The following PPEF2 variants were observed in gnomAD, a reference collection of about 807,000 sequenced individuals.
PPEF2 encodes the protein serine/threonine-protein phosphatase with EF-hands 2.
Under a neutral mutation model 84.7 loss-of-function variants are expected in PPEF2, and 84 were observed. That is an observed-to-expected ratio of 0.99 (90% CI 0.83 to 1.19). The LOEUF (loss-of-function observed/expected upper bound fraction) is 1.19. PPEF2 is among the 50% of genes most tolerant of loss of function. The pLI is 0.00. For synonymous variants in PPEF2, 346 were observed against 345.2 expected (o/e 1.00, Z -0.03); for missense variants, 924 against 937.5 (o/e 0.99, Z 0.19).
intron 10 of PPEF2, among the ~76,000 whole-genome samples, chr4:75,877,930 G>T (rs1236694897): frequency 6.6e-6 from 1 of 152,118 alleles, no homozygotes; most frequent in African/African-American, 2.4e-5. Flanking sequence ...TTTAGACAAG[G>T]ATAGGAAAGG....
intron 13 of PPEF2, among the ~76,000 whole-genome samples, 177 bp downstream of exon 13, chr4:75,871,848 G>A (rs1043569812): frequency 2.6e-5 from 4 of 152,118 alleles, no homozygotes; most frequent in African/African-American, 9.7e-5. Flanking sequence ...GTGTGTGGAG[G>A]AGAAGGAAGA....
chr4:75,866,239 C>T lies in PPEF2; in HGVS notation c.1870G>A (p.Glu624Lys), dbSNP rs1443893313. ...LVNSSADNML[E>K]YKSWLKNLAK... Reference sequence around the variant, plus strand: ...AAGTTCTTCAGCCAAGACTTGTACTCCAGCATGTTGTCTGCTGAGCTGTTC... The same window carrying T: ...AAGTTCTTCAGCCAAGACTTGTACTTCAGCATGTTGTCTGCTGAGCTGTTC... Residue 624 changes from glutamate to lysine, a missense_variant, in exon 15 of 17, where the codon GAG becomes AAG. Transcript: ENST00000286719. 3 of 1,614,112 alleles carry T rather than the reference C, an allele frequency of 1.9e-6. No homozygotes were observed. Among genetic ancestry groups the T allele is most frequent in the Non-Finnish European group, 2.5e-6 (3 of 1,179,994 alleles).
At chr4:75,898,123 C>G (rs1725048716) in intron 1 of PPEF2, among the ~76,000 whole-genome samples, 1 of 152,354 alleles carries the variant, frequency 6.6e-6, no homozygotes, top group South Asian at 2.1e-4. Context: ...ACAGATCACT[C>G]ATGCTATTGT....
chr4:75,864,667 C>T, intron 15 of PPEF2, 140 bp from the exon 16 acceptor site: 4 of 636,996 alleles, frequency 6.3e-6, no homozygotes, highest in Non-Finnish European at 1.1e-5. Context: ...TTCCCTCTAC[C>T]CAGTTCAGCC....
Position 75,896,265 on chromosome 4 carries a change from A to T in PPEF2, c.55+6T>A. The T allele has an allele frequency of 6.2e-7, 1 of 1,613,896 alleles. No individual in the cohort carries two copies. ...ACAGCTGGTTTGGAAAGTGGGAAAC[A>T]CGTACCTCTCTCTGCATTCTGGAAA... On this transcript the variant is annotated splice_donor_region_variant and intron_variant, in intron 2 of 16. Transcript: ENST00000286719.
chr4:75,896,126 CAAG>C (rs1217577614), intron 2 of PPEF2, 142 bp downstream of exon 2: 1 of 830,544 alleles, frequency 1.2e-6, no homozygotes, highest in Non-Finnish European at 2.0e-6. Flanking sequence ...GGGCATGTCA[CAAG>C]GAGGAGAAGC....
At chr4:75,872,259 G>T in intron 12 of PPEF2, 92 bp from the exon 13 acceptor site, 1 of 1,263,194 alleles carries the variant, frequency 7.9e-7, no homozygotes. Context: ...TGCAGAAGCT[G>T]CTGTTTCTCC....
chr4:75,876,557 T>A lies in PPEF2; in HGVS notation c.1050A>T (p.Glu350Asp), dbSNP rs1257924210. Residue 350 changes from glutamate (E) to aspartate (D), a missense_variant, in exon 11 of 17, where the codon GAA (glutamate) becomes GAT (aspartate). Transcript: ENST00000286719. ...GGGGCGAAGAGGGAAGAGAGCGGCT[T>A]TCGGGGAGAAACCATGGGATGGGTC... ...AQGPIPWFLP[E>D]SRSLPSSPLR... is the part of the protein sequence containing the mutation. 3 of 1,613,970 alleles carry A rather than the reference T, an allele frequency of 1.9e-6. No homozygotes were observed. The African/African-American group carries it at 4.0e-5, about 22-fold the overall frequency.
chr4:75,901,916 G>A (rs1725132377), intron 1 of PPEF2, among the ~76,000 whole-genome samples: 1 of 152,150 alleles, frequency 6.6e-6, no homozygotes, highest in Admixed American at 6.6e-5. Context: ...AGTGTGCTAT[G>A]ATTGCACTTA....
In PPEF2 at chr4:75,884,705, CG is replaced by C. The variant is rs780861209; in HGVS notation, c.634del (p.Arg212GlufsTer6). ...CAGGATCTCTACTGAATCCTTGCCTCGATCCACAAAGTCACCGTTGAACACA... is the reference window on the plus strand; with the variant it reads ...CAGGATCTCTACTGAATCCTTGCCTCATCCACAAAGTCACCGTTGAACACA... ...SYVFNGDFVD[R>X]GKDSVEILMI... On this transcript the variant is annotated frameshift_variant, in exon 8 of 17. Transcript: ENST00000286719. LOFTEE classifies it high-confidence loss of function. 5.5e-5 allele frequency: 89 copies of C among 1,613,040 alleles called. No individual in the cohort carries two copies. Among genetic ancestry groups the C allele is most frequent in the Non-Finnish European group, 7.2e-5 (85 of 1,179,718 alleles).
intron 10 of PPEF2, among the ~76,000 whole-genome samples, chr4:75,877,281 G>A (rs1022522320): frequency 6.6e-6 from 1 of 150,932 alleles, no homozygotes; most frequent in East Asian, 2.0e-4. Flanking sequence ...AGGTTGCGGT[G>A]AGCCAAGATT....
chr4:75,897,523 A>G (rs956749896), intron 1 of PPEF2, among the ~76,000 whole-genome samples: 1 of 152,070 alleles, frequency 6.6e-6, no homozygotes, highest in Non-Finnish European at 1.5e-5. Context: ...GCAGTGGCTC[A>G]TGTCTGTAAT....
intron 4 of PPEF2, among the ~76,000 whole-genome samples, 196 bp downstream of exon 4, chr4:75,891,452 G>A (rs544107299): frequency 5.3e-4 from 81 of 152,050 alleles, no homozygotes; most frequent in South Asian, 1.2e-3. Flanking sequence ...AATTCCTTGC[G>A]TCCAAACTCT....
chr4:75,882,785 G>A, intron 10 of PPEF2, 141 bp downstream of exon 10: 1 of 878,058 alleles, frequency 1.1e-6, no homozygotes, highest in South Asian at 1.8e-5. Flanking sequence ...GAGACACTGT[G>A]CCCAGCCTCC....
At chr4:75,893,290 G>A (rs1724931634) in intron 2 of PPEF2, among the ~76,000 whole-genome samples, 1 of 152,142 alleles carries the variant, frequency 6.6e-6, no homozygotes, top group African/African-American at 2.4e-5. Context: ...CTGAGGTGAG[G>A]AGTTCAAGAC....
In PPEF2 at chr4:75,867,412, T is replaced by C. The variant is rs368481886; in HGVS notation, c.1657A>G (p.Arg553Gly). The change falls in exon 14 of 17, where the codon AGA becomes GGA. Residue 553 changes from arginine to glycine, a missense_variant. Coordinates refer to ENST00000286719, the MANE Select transcript of PPEF2 (RefSeq NM_006239.3). ...GCTCTCAGAGCCGACTCCTCCACTC[T>C]GCTAATCCTGGGACAGGAGATGAAA... ...HTLTMRQRIS[R>G]VEESALRALR... The C allele has an allele frequency of 1.4e-5, 23 of 1,612,278 alleles. No individual in the cohort carries two copies. Among genetic ancestry groups the C allele is most frequent in the Non-Finnish European group, 1.9e-5 (22 of 1,178,834 alleles).
At chr4:75,869,385 A>G (rs1341888848) in intron 13 of PPEF2, among the ~76,000 whole-genome samples, 1 of 152,234 alleles carries the variant, frequency 6.6e-6, no homozygotes, top group African/African-American at 2.4e-5. Context: ...GAAGTCCATT[A>G]TGCCCATTAC....
At chr4:75,883,136 G>A (rs747626384) in intron 9 of PPEF2, 30 bp downstream of exon 9, 2 of 1,613,842 alleles carry the variant, frequency 1.2e-6, no homozygotes, top group Non-Finnish European at 1.7e-6. Flanking sequence ...TCTGAACTGA[G>A]AGAAACTTTT....
chr4:75,895,122 A>C (rs890139290), intron 2 of PPEF2, among the ~76,000 whole-genome samples: 1 of 123,110 alleles, frequency 8.1e-6, no homozygotes, highest in Admixed American at 9.7e-5. Flanking sequence ...ACACCCAGCT[A>C]ATTAATTTTT....
Sources: allele counts gnomAD v4.1 joint callset (sites outside exome capture counted in the v4.1 genomes callset), GRCh38; gene constraint gnomAD v4.1.1; transcripts MANE v1.5; gene names NCBI Gene and HGNC (gene_info 2026-07-23, HGNC 2026-07-21).